The following RASA2 variants were observed in gnomAD, a reference collection of about 807,000 sequenced individuals.
RASA2 encodes ras GTPase-activating protein 2.
Under a neutral mutation model 118.2 loss-of-function variants are expected in RASA2, and 155 were observed. That is an observed-to-expected ratio of 1.31 (90% CI 1.15 to 1.50). RASA2 has a LOEUF of 1.50. Ranked by LOEUF, RASA2 falls within the 40% of genes most tolerant of loss-of-function variation. The probability of loss-of-function intolerance (pLI) is 0.00; values close to 1 mark genes in which losing one functional copy is unlikely to be tolerated. For missense variants in RASA2, 1,016 were observed against 1,009.6 expected, an observed-to-expected ratio of 1.01 and a Z score of -0.09; for synonymous variants, 353 against 349.1, an observed-to-expected ratio of 1.01 and a Z score of -0.12.
intron 15 of RASA2, among the ~76,000 whole-genome samples, chr3:141,580,094 A>ATG (rs1300938522): frequency 1.9e-5 from 2 of 107,324 alleles, no homozygotes; most frequent in South Asian, 5.7e-4. Flanking sequence ...AAATATATAT[A>ATG]TATATATATA....
chr3:141,547,197 C>A (rs1485743752), intron 5 of RASA2, among the ~76,000 whole-genome samples: 2 of 151,832 alleles, frequency 1.3e-5, no homozygotes, highest in African/African-American at 2.4e-5. Flanking sequence ...TTTGTGGTTT[C>A]ATATAAATTT....
intron 1 of RASA2, among the ~76,000 whole-genome samples, chr3:141,487,457 G>A (rs1181429862): frequency 1.3e-5 from 2 of 151,940 alleles, no homozygotes; most frequent in Admixed American, 1.3e-4. Context: ...ATGGGCCTGG[G>A]GTGGGAGAGC....
chr3:141,545,148 G>A (rs9835593), intron 5 of RASA2, among the ~76,000 whole-genome samples: 70,108 of 151,166 alleles, frequency 0.46, 17,316 homozygotes, highest in African/African-American at 0.66. Flanking sequence ...AAGTTAAAAA[G>A]AAATTGCTCA....
At chr3:141,575,552 A>G (rs529051120) in intron 14 of RASA2, among the ~76,000 whole-genome samples, 1 of 152,338 alleles carries the variant, frequency 6.6e-6, no homozygotes, top group East Asian at 1.9e-4. Context: ...CACATGAGGT[A>G]GGTACTACTC....
intron 4 of RASA2, among the ~76,000 whole-genome samples, chr3:141,532,433 TGGAATGTCATCATA>T (rs1002555633): frequency 1.3e-5 from 2 of 152,138 alleles, no homozygotes; most frequent in Non-Finnish European, 2.9e-5. Flanking sequence ...AAGAGTTTCT[TGGAATGTCATCATA>T]GGAACTTTAC....
chr3:141,524,912 T>G (rs1015378096), intron 3 of RASA2, among the ~76,000 whole-genome samples: 5 of 152,060 alleles, frequency 3.3e-5, no homozygotes, highest in African/African-American at 1.2e-4. Flanking sequence ...TTATCTCCTC[T>G]TTTAGCCATT....
At chr3:141,555,208 C>T (rs966521957) in intron 6 of RASA2, among the ~76,000 whole-genome samples, 3 of 152,086 alleles carry the variant, frequency 2.0e-5, no homozygotes, top group African/African-American at 2.4e-5. Flanking sequence ...TATGGTGAAC[C>T]GAGATTGTGC....
At chr3:141,540,017 T>C (rs2082384816) in intron 4 of RASA2, among the ~76,000 whole-genome samples, 1 of 152,156 alleles carries the variant, frequency 6.6e-6, no homozygotes, top group South Asian at 2.1e-4. Context: ...ACTCCCACAG[T>C]GCCTTCTGAA....
chr3:141,510,570 A>G (rs971693479), intron 1 of RASA2, among the ~76,000 whole-genome samples: 1 of 152,250 alleles, frequency 6.6e-6, no homozygotes, highest in Non-Finnish European at 1.5e-5. Flanking sequence ...TATCAAAGAA[A>G]CAAAATGGAG....
At chr3:141,581,013 G>A in intron 16 of RASA2, 87 bp from the exon 17 acceptor site, 1 of 1,319,090 alleles carries the variant, frequency 7.6e-7, no homozygotes. Flanking sequence ...GTCCTTTTAG[G>A]CCTTAATCCT....
chr3:141,507,998 T>C (rs2081894508), intron 1 of RASA2, among the ~76,000 whole-genome samples: 1 of 152,196 alleles, frequency 6.6e-6, no homozygotes, highest in Non-Finnish European at 1.5e-5. Flanking sequence ...AACCTGGTTC[T>C]CCTTAAGGCT....
chr3:141,568,883 A>G (rs2082867333), intron 9 of RASA2, among the ~76,000 whole-genome samples: 1 of 152,136 alleles, frequency 6.6e-6, no homozygotes, highest in Non-Finnish European at 1.5e-5. Context: ...ATATTTATAA[A>G]TAAATTCCTT....
At chr3:141,505,729 A>T (rs1235789123) in intron 1 of RASA2, among the ~76,000 whole-genome samples, 2 of 152,042 alleles carry the variant, frequency 1.3e-5, no homozygotes, top group Non-Finnish European at 1.5e-5. Context: ...AAGACTTCTA[A>T]GCAAGGGATG....
At chr3:141,520,904 G>A (rs890643595) in intron 3 of RASA2, among the ~76,000 whole-genome samples, 34 of 152,116 alleles carry the variant, frequency 2.2e-4, no homozygotes, top group African/African-American at 8.0e-4. Context: ...ACAGATGAGG[G>A]AATGTACTTC....
Position 141,609,460 on chromosome 3 carries a change from A to G in RASA2, c.2266A>G (p.Arg756Gly). 6.2e-7 allele frequency: 1 copy of G among 1,605,864 alleles called. No homozygotes were observed. Among genetic ancestry groups the G allele is most frequent in the Non-Finnish European group, 8.5e-7 (1 of 1,174,138 alleles). The stretch of plus-strand genomic sequence containing the variant: ...CATCCAAATAGATATTGATGAAGAC[A>G]GAGAAACAGAAAGAATTTATTCCCT... ...ADIQIDIDED[R>G]ETERIYSLFT... Residue 756 changes from arginine to glycine, a missense_variant, in exon 22 of 24, where the codon AGA becomes GGA. Physicochemically the swap from Arg to Gly is moderately radical, Grantham distance 125 (BLOSUM62 -2). Transcript: ENST00000286364.
intron 3 of RASA2, among the ~76,000 whole-genome samples, chr3:141,523,577 A>G (rs2082143755): frequency 6.6e-6 from 1 of 152,226 alleles, no homozygotes; most frequent in African/African-American, 2.4e-5. Context: ...TTTATTTCCA[A>G]TGAGGATTCT....
chr3:141,594,752 A>G lies in RASA2; in HGVS notation c.1933+8000A>G, dbSNP rs115256006. The stretch of plus-strand genomic sequence containing the variant: ...ACTCCATTGTGAGCAAGCCTGCACT[A>G]TAAGAAATGCTAAAGGAAATTCTTC... On this transcript the variant is annotated intron_variant, in intron 19 of 23. Transcript: ENST00000286364. 4.8e-3 allele frequency among the ~76,000 whole-genome samples: 727 copies of G among 152,354 alleles called. 7 individuals carry two copies. The highest frequency in any genetic ancestry group is 0.017 in the African/African-American group (696 of 41,592).
chr3:141,572,832 A>C lies in RASA2; in HGVS notation c.1284+109A>C, dbSNP rs777374386. The C allele has an allele frequency of 1.1e-4, 103 of 901,010 alleles. 1 individual carries two copies. In the Middle Eastern group the frequency reaches 4.6e-3, roughly 40 times the overall value. 55.8% of individuals were successfully genotyped at this position (901,010 alleles called of 1,614,324 possible). A position where few individuals can be genotyped will look rare whatever the true frequency, so the allele number is the denominator to read the frequency against. On this transcript the variant is annotated intron_variant, in intron 12 of 23. Coordinates refer to ENST00000286364, the MANE Select transcript of RASA2 (RefSeq NM_006506.5). Reference sequence around the variant, plus strand: ...TTATTCATTCATGTGTTACTGAAAAAATAGACTGAACACTTTAGAAGCAAA... The same window carrying C: ...TTATTCATTCATGTGTTACTGAAAACATAGACTGAACACTTTAGAAGCAAA...
intron 1 of RASA2, among the ~76,000 whole-genome samples, chr3:141,494,727 T>A (rs893824554): frequency 1.3e-5 from 2 of 152,222 alleles, no homozygotes; most frequent in African/African-American, 4.8e-5. Context: ...TCTCTTCATA[T>A]TTTTAAGAGC....
Sources: gnomAD v4.1 joint callset for allele counts (sites outside exome capture counted in the v4.1 genomes callset) on GRCh38, gnomAD v4.1.1 for gene constraint, MANE v1.5 for transcripts, NCBI Gene and HGNC (gene_info 2026-07-23, HGNC 2026-07-21) for gene names.